The following GARNL3 variants were observed in gnomAD, a reference collection of about 807,000 sequenced individuals.
GARNL3 encodes the protein GTPase activating Rap/RanGAP domain like 3.
Under a neutral mutation model 125.0 loss-of-function variants are expected in GARNL3, and 63 were observed. The ratio of observed to expected loss-of-function variants is 0.50; its 90% CI spans 0.41 to 0.62. The LOEUF is 0.62. Among genes scored for constraint, GARNL3 ranks in the 20% least tolerant of loss-of-function variants. GARNL3 has a pLI of 0.00. For missense variants in GARNL3, 994 were observed against 1,244.0 expected, an observed-to-expected ratio of 0.80 and a Z score of 3.02; for synonymous variants, 439 against 457.5, an observed-to-expected ratio of 0.96 and a Z score of 0.52.
chr9:127,359,729 T>A (rs1830882592), intron 21 of GARNL3, among the ~76,000 whole-genome samples: 1 of 152,246 alleles, frequency 6.6e-6, no homozygotes, highest in Admixed American at 6.5e-5. Flanking sequence ...TTATGCAGTT[T>A]ACTTACTCAT....
At chr9:127,338,027 A>G in intron 11 of GARNL3, 89 bp from the exon 12 acceptor site, 4 of 979,632 alleles carry the variant, frequency 4.1e-6, no homozygotes, top group Non-Finnish European at 6.6e-6. Flanking sequence ...GCGCTGGTCG[A>G]GAATGACTCT....
chr9:127,313,811 T>C (rs2065160898), intron 4 of GARNL3, among the ~76,000 whole-genome samples: 1 of 152,230 alleles, frequency 6.6e-6, no homozygotes, highest in African/African-American at 2.4e-5. Context: ...TAGTCTCTTC[T>C]GGTTTAAATA....
At chr9:127,391,715 A>C (rs1369996798) in intron 27 of GARNL3, among the ~76,000 whole-genome samples, 1 of 150,698 alleles carries the variant, frequency 6.6e-6, no homozygotes, top group East Asian at 1.9e-4. Context: ...AAAAAAAAAA[A>C]AAACACTTAG....
At chr9:127,247,921 C>A (rs1306967606) in intron 2 of GARNL3, among the ~76,000 whole-genome samples, 2 of 152,310 alleles carry the variant, frequency 1.3e-5, no homozygotes, top group East Asian at 1.9e-4. Context: ...ACCACTACCC[C>A]CTGTCCCCTA....
In GARNL3 at chr9:127,303,058, G is replaced by A. The variant is rs141400123; in HGVS notation, c.220-8578G>A. On this transcript the variant is annotated intron_variant, in intron 2 of 27. Transcript: ENST00000373387. ...CCCAGCTACTCCAGAGACTGAGGCA[G>A]GAGAATGGCGTGAACCCGGGAGGCA... 5.1e-3 allele frequency among the ~76,000 whole-genome samples: 776 copies of A among 152,258 alleles called. 5 individuals are homozygous for A. Among genetic ancestry groups the A allele is most frequent in the African/African-American group, 0.017 (725 of 41,532 alleles).
chr9:127,236,718 G>A (rs934974827), intron 1 of GARNL3, among the ~76,000 whole-genome samples: 9 of 152,184 alleles, frequency 5.9e-5, no homozygotes, highest in Admixed American at 5.2e-4. Context: ...GCCTCCACAC[G>A]ACCCTAGTGT....
intron 1 of GARNL3, chr9:127,225,530 C>A (rs2062892319): frequency 7.0e-6 from 2 of 284,424 alleles, no homozygotes. Context: ...GGAGACCGGG[C>A]GCGGAGCCCG....
chr9:127,298,199 C>T (rs12337580), intron 2 of GARNL3, among the ~76,000 whole-genome samples: 71 of 152,188 alleles, frequency 4.7e-4, no homozygotes, highest in Middle Eastern at 3.4e-3. Flanking sequence ...TTTTTTGAGA[C>T]GAAGTCTTGG....
rs545979375 is a variant in GARNL3, at chr9:127,286,794, A to G, written c.145-4374A>G. Among the ~76,000 whole-genome samples the G allele has an allele frequency of 1.4e-3, 213 of 152,328 alleles. 2 individuals carry two copies. Among genetic ancestry groups the G allele is most frequent in the African/African-American group, 5.0e-3 (206 of 41,574 alleles). On this transcript the variant is annotated intron_variant, in intron 1 of 27. Coordinates refer to ENST00000373387, the MANE Select transcript of GARNL3 (RefSeq NM_032293.5). ...TGATATTTCAGATTTTACATTTTAT[A>G]CTATCAACTTATCATAGGATCAATG... is the stretch of plus-strand genomic sequence containing the variant.
At position 127,291,151 on chromosome 9, in the gene GARNL3, T is replaced by C. The variant is rs761487583; in HGVS notation, c.145-17T>C. On this transcript the variant is annotated splice_polypyrimidine_tract_variant and intron_variant, in intron 1 of 27. Transcript: ENST00000373387. The stretch of plus-strand genomic sequence containing the variant: ...ACATTGTAAATGCTTCCTAATTGAA[T>C]GCTTTTTCCCCCCTAGCTTATTTCC... The C allele has an allele frequency of 5.6e-6, 9 of 1,612,830 alleles. No homozygotes were observed. In the South Asian group the frequency reaches 7.7e-5, roughly 14 times the overall value.
intron 2 of GARNL3, among the ~76,000 whole-genome samples, chr9:127,256,167 A>T (rs924511354): frequency 5.3e-5 from 8 of 152,252 alleles, no homozygotes; most frequent in African/African-American, 1.9e-4. Context: ...ATACCAAATT[A>T]TACTCTGGGC....
Position 127,385,155 on chromosome 9 carries a change from A to G in GARNL3, c.2388+10A>G, listed in dbSNP as rs1305154754. ...GCTGGTGGCCTCCAGGGTGAGTAGG[A>G]CTGGGATTTTATCTCTGAGTGGTTT... On this transcript the variant is annotated intron_variant, in intron 24 of 27. Transcript: ENST00000373387. The surrounding 1 kb of genome is among the most constrained non-coding windows in gnomAD (Gnocchi z 4.1). The G allele has an allele frequency of 1.9e-6, 3 of 1,563,378 alleles. No homozygotes were observed. The highest frequency in any genetic ancestry group is 2.3e-5 in the South Asian group (2 of 87,262).
rs1564200427 is a variant in GARNL3, at chr9:127,384,758, G to T, written c.2270-269G>T. Among the ~76,000 whole-genome samples the T allele has an allele frequency of 6.6e-6, 1 of 152,234 alleles. No individual in the cohort carries two copies. Among genetic ancestry groups the T allele is most frequent in the African/African-American group, 2.4e-5 (1 of 41,472 alleles). On this transcript the variant is annotated intron_variant, in intron 23 of 27. Transcript: ENST00000373387. This position sits in a 1 kb window ranked among gnomAD's most constrained non-coding sequence, Gnocchi z 4.0. The stretch of plus-strand genomic sequence containing the variant: ...AGCTGCCTCGCTGGAAGATCAGGCA[G>T]TGGGGTTTCCATGGGGGAAAATGGC...
At chr9:127,388,562 A>G (rs2131837598) in intron 25 of GARNL3, 1 of 329,826 alleles carries the variant, frequency 3.0e-6, no homozygotes. Context: ...AGCGCTTTTC[A>G]TAAATTCTTA....
At chr9:127,225,507 G>C in intron 1 of GARNL3, 1 of 425,172 alleles carries the variant, frequency 2.4e-6, no homozygotes, top group Non-Finnish European at 3.1e-6. Context: ...GGAAGGGTCT[G>C]CGGAGGTTCT....
At chr9:127,362,723 C>T (rs1350806943) in intron 21 of GARNL3, 1 of 152,212 alleles carries the variant, frequency 6.6e-6, no homozygotes, top group African/African-American at 2.4e-5. Flanking sequence ...TCAGAGGAGA[C>T]TCCAGGACCA....
At chr9:127,372,837 T>C (rs570696332) in intron 22 of GARNL3, among the ~76,000 whole-genome samples, 12 of 152,356 alleles carry the variant, frequency 7.9e-5, no homozygotes, top group African/African-American at 2.6e-4. Flanking sequence ...TGATTGCCTT[T>C]TGGGAATTTT....
At chr9:127,248,993 T>G (rs553345116) in intron 2 of GARNL3, among the ~76,000 whole-genome samples, 2 of 152,296 alleles carry the variant, frequency 1.3e-5, no homozygotes, top group East Asian at 3.9e-4. Context: ...GGTTTATTAA[T>G]AAGTTCCCAA....
intron 4 of GARNL3, among the ~76,000 whole-genome samples, chr9:127,315,085 T>A (rs2065203585): frequency 6.6e-6 from 1 of 152,238 alleles, no homozygotes; most frequent in African/African-American, 2.4e-5. Context: ...GAAGTGCCAG[T>A]GCCTTCACCC....
Sources: gnomAD v4.1 joint callset for allele counts (sites outside exome capture counted in the v4.1 genomes callset) on GRCh38, gnomAD v4.1.1 for gene constraint, Gnocchi (gnomAD v3.1) non-coding constraint, MANE v1.5 for transcripts, NCBI Gene and HGNC (gene_info 2026-07-23, HGNC 2026-07-21) for gene names.